EEFSEC: variants seen among roughly 807,000 people sequenced by gnomAD.
EEFSEC encodes selenocysteine-specific elongation factor.
EEFSEC carries 43 observed loss-of-function variants against 42.1 expected under a neutral mutation model. The ratio of observed to expected loss-of-function variants is 1.02; its 90% CI spans 0.80 to 1.32. EEFSEC has a LOEUF of 1.32. EEFSEC is among the 40% of genes most tolerant of loss of function. The pLI is 0.00. For synonymous variants in EEFSEC, 354 were observed against 339.1 expected (o/e 1.04, Z -0.48); for missense variants, 745 against 803.6 (o/e 0.93, Z 0.88).
At chr3:128,156,205 G>A (rs186602451) in intron 1 of EEFSEC, among the ~76,000 whole-genome samples, 97 of 152,216 alleles carry the variant, frequency 6.4e-4, no homozygotes, top group Non-Finnish European at 1.2e-3. Context: ...TCTGGACCTT[G>A]CTCCAACTGG....
At chr3:128,375,156 C>T (rs1274293907) in intron 6 of EEFSEC, among the ~76,000 whole-genome samples, 1 of 152,210 alleles carries the variant, frequency 6.6e-6, no homozygotes, top group Non-Finnish European at 1.5e-5. Context: ...GTACCAAGTG[C>T]CTGGACCCTT....
intron 4 of EEFSEC, among the ~76,000 whole-genome samples, chr3:128,303,635 A>G (rs966600288): frequency 4.6e-5 from 7 of 152,174 alleles, no homozygotes; most frequent in Non-Finnish European, 1.0e-4. Flanking sequence ...TGTGTGGTAA[A>G]TAACTACTGT....
In EEFSEC at chr3:128,200,654, A is replaced by G. The variant is rs538666509; in HGVS notation, c.317-46182A>G. ...CCAGCCATGCCTTGGGCAGGTAAGG[A>G]AAGAATGCTAGCTGAAACGATGGGG... On this transcript the variant is annotated intron_variant, in intron 1 of 6. Coordinates refer to ENST00000254730, the MANE Select transcript of EEFSEC (RefSeq NM_021937.5). Among the ~76,000 whole-genome samples the G allele has an allele frequency of 3.3e-5, 5 of 152,356 alleles. No homozygotes were observed. The South Asian group carries it at 6.2e-4, about 19-fold the overall frequency.
At chr3:128,185,362 A>G (rs1210009409) in intron 1 of EEFSEC, among the ~76,000 whole-genome samples, 3 of 152,158 alleles carry the variant, frequency 2.0e-5, no homozygotes, top group Non-Finnish European at 4.4e-5. Flanking sequence ...CTAAGCAATA[A>G]AACAGACTTT....
chr3:128,303,743 GT>G lies in EEFSEC; in HGVS notation c.787-37486del, dbSNP rs369938880. Among the ~76,000 whole-genome samples the G allele has an allele frequency of 1.3e-4, 20 of 152,146 alleles. No homozygotes were observed. In the South Asian group the frequency reaches 3.9e-3, roughly 30 times the overall value. On this transcript the variant is annotated intron_variant, in intron 4 of 6. Coordinates refer to ENST00000254730, the MANE Select transcript of EEFSEC (RefSeq NM_021937.5). ...TTTGTCATTCTTTTATGACCTCTGT[GT>G]TTTCTGTCCTGCTTAAACTGGCCTC...
intron 6 of EEFSEC, among the ~76,000 whole-genome samples, chr3:128,395,041 G>A (rs1004872546): frequency 1.3e-5 from 2 of 152,360 alleles, no homozygotes; most frequent in African/African-American, 4.8e-5. Flanking sequence ...ACGGCCATGA[G>A]CGAGGGGAGT....
At chr3:128,170,156 G>A (rs541878188) in intron 1 of EEFSEC, among the ~76,000 whole-genome samples, 1 of 152,298 alleles carries the variant, frequency 6.6e-6, no homozygotes, top group East Asian at 1.9e-4. Flanking sequence ...TCCCCCGCCT[G>A]GCCCGAGGTT....
chr3:128,337,477 C>G (rs544295448), intron 4 of EEFSEC, among the ~76,000 whole-genome samples: 76 of 152,236 alleles, frequency 5.0e-4, no homozygotes, highest in African/African-American at 1.8e-3. Flanking sequence ...AGCATGAGGC[C>G]CCTGGCCGCC....
chr3:128,161,336 G>GA (rs139076049), intron 1 of EEFSEC, among the ~76,000 whole-genome samples: 9,764 of 152,264 alleles, frequency 0.064, 452 homozygotes, highest in South Asian at 0.097. Context: ...GAGGAGGGCT[G>GA]AAAAATGCTG....
chr3:128,314,371 T>G (rs1384984945), intron 4 of EEFSEC, among the ~76,000 whole-genome samples: 1 of 152,208 alleles, frequency 6.6e-6, no homozygotes, highest in East Asian at 1.9e-4. Flanking sequence ...TGAGACAGAG[T>G]CTTACTCCAT....
At chr3:128,250,904 TTTTTTGG>T (rs1292282896) in intron 2 of EEFSEC, among the ~76,000 whole-genome samples, 2 of 89,388 alleles carry the variant, frequency 2.2e-5, no homozygotes, top group Non-Finnish European at 4.8e-5. Flanking sequence ...ATCTTTAGTT[TTTTTTGG>T]TTTTTTTTTT....
intron 1 of EEFSEC, among the ~76,000 whole-genome samples, chr3:128,222,585 A>G (rs1023889277): frequency 1.3e-5 from 2 of 152,146 alleles, no homozygotes; most frequent in Non-Finnish European, 2.9e-5. Context: ...GCTCTGTATT[A>G]TTTTATTGTC....
intron 1 of EEFSEC, among the ~76,000 whole-genome samples, chr3:128,244,705 G>T (rs889096454): frequency 7.2e-5 from 11 of 152,108 alleles, no homozygotes; most frequent in Admixed American, 5.9e-4. Flanking sequence ...AGTTTCTTTT[G>T]CATTCCCTCA....
rs546839888 is a variant in EEFSEC at position 128,226,275 on chromosome 3, C to T, written c.317-20561C>T. ...TCAGAACCAATTGGGTTAGAGAGGG[C>T]CTAATAAATTGTGTCCCTCACAAGG... On this transcript the variant is annotated intron_variant, in intron 1 of 6. Coordinates refer to ENST00000254730, the MANE Select transcript of EEFSEC (RefSeq NM_021937.5). Among the ~76,000 whole-genome samples, 8 of 152,252 alleles carry T rather than the reference C, an allele frequency of 5.3e-5. No individual in the cohort carries two copies. The South Asian group carries it at 1.7e-3, about 32-fold the overall frequency.
chr3:128,378,260 G>A (rs1031234118), intron 6 of EEFSEC, among the ~76,000 whole-genome samples: 2 of 152,204 alleles, frequency 1.3e-5, no homozygotes, highest in African/African-American at 4.8e-5. Flanking sequence ...GCCCCATGCT[G>A]AGTCACGAAC....
At chr3:128,182,784 G>A (rs1392403367) in intron 1 of EEFSEC, among the ~76,000 whole-genome samples, 1 of 151,612 alleles carries the variant, frequency 6.6e-6, no homozygotes, top group Non-Finnish European at 1.5e-5. Context: ...TGCCTAGAAG[G>A]AGCCAGAGGG....
At chr3:128,229,623 G>C (rs1386162316) in intron 1 of EEFSEC, among the ~76,000 whole-genome samples, 2 of 152,252 alleles carry the variant, frequency 1.3e-5, no homozygotes, top group East Asian at 1.9e-4. Context: ...AAACTCCAGA[G>C]TTCTCACACT....
intron 1 of EEFSEC, among the ~76,000 whole-genome samples, chr3:128,162,594 A>C (rs1167692728): frequency 1.3e-5 from 2 of 152,214 alleles, no homozygotes; most frequent in Admixed American, 6.5e-5. Flanking sequence ...GCGCAACATC[A>C]GAGACACAGC....
chr3:128,216,748 G>T (rs553054359), intron 1 of EEFSEC, among the ~76,000 whole-genome samples: 7 of 152,366 alleles, frequency 4.6e-5, no homozygotes, highest in African/African-American at 1.7e-4. Context: ...CATGACATTG[G>T]TCAGTTTCTG....
Sources: allele counts gnomAD v4.1 joint callset (sites outside exome capture counted in the v4.1 genomes callset), GRCh38; gene constraint gnomAD v4.1.1; transcripts MANE v1.5; gene names NCBI Gene and HGNC (gene_info 2026-07-23, HGNC 2026-07-21).